SLC71A2: variants seen among roughly 807,000 people sequenced by gnomAD.
SLC71A2 encodes hippocampus abundant transcript-like 1.
the SLC71A2 span, among the ~76,000 whole-genome samples, chr9:94,455,033 G>C: frequency 5.9e-5 from 9 of 152,082 alleles, no homozygotes; most frequent in Admixed American, 5.9e-4. Flanking sequence ...CCTTACTTTG[G>C]ACACAAACAG....
chr9:94,418,740 C>T, the SLC71A2 span, among the ~76,000 whole-genome samples: 30 of 151,248 alleles, frequency 2.0e-4, no homozygotes, highest in African/African-American at 7.0e-4. Context: ...ACACCTGGCC[C>T]ATACTTTCCT....
the SLC71A2 span, chr9:94,451,545 T>C: frequency 1.4e-6 from 2 of 1,400,740 alleles, no homozygotes; most frequent in African/African-American, 2.9e-5. Flanking sequence ...TCATTTTATC[T>C]ATACTTAAAA....
chr9:94,409,552 C>G, the SLC71A2 span, among the ~76,000 whole-genome samples: 8 of 152,138 alleles, frequency 5.3e-5, no homozygotes, highest in Non-Finnish European at 1.0e-4. Flanking sequence ...CTTCTAGTTT[C>G]TTACAGTGGA....
chr9:94,385,688 G>C, the SLC71A2 span, among the ~76,000 whole-genome samples: 1 of 152,194 alleles, frequency 6.6e-6, no homozygotes, highest in Non-Finnish European at 1.5e-5. Context: ...TCTGGAGTTT[G>C]CATTCTGTTC....
At chr9:94,382,027 T>G in the SLC71A2 span, among the ~76,000 whole-genome samples, 1 of 151,910 alleles carries the variant, frequency 6.6e-6, no homozygotes, top group African/African-American at 2.4e-5. Context: ...TCCATAAGTT[T>G]TTTTTTTTTT....
chr9:94,405,890 ATACCT>A, the SLC71A2 span, among the ~76,000 whole-genome samples: 1 of 150,402 alleles, frequency 6.6e-6, no homozygotes, highest in African/African-American at 2.4e-5. Flanking sequence ...GGTAACAGTG[ATACCT>A]TAACTATATT....
At chr9:94,454,370 T>C in the SLC71A2 span, among the ~76,000 whole-genome samples, 1 of 152,014 alleles carries the variant, frequency 6.6e-6, no homozygotes, top group Non-Finnish European at 1.5e-5. Flanking sequence ...ATATGCCAAT[T>C]TTTTTTTCTT....
chr9:94,451,366 T>G, the SLC71A2 span: 1 of 639,168 alleles, frequency 1.6e-6, no homozygotes, highest in Non-Finnish European at 2.5e-6. Flanking sequence ...TTTATGAATT[T>G]TCCTAGACTT....
the SLC71A2 span, among the ~76,000 whole-genome samples, chr9:94,392,690 G>A: frequency 1.3e-5 from 2 of 152,000 alleles, no homozygotes; most frequent in African/African-American, 2.4e-5. Flanking sequence ...TAGTAGAGAC[G>A]GGGTTTCACC....
the SLC71A2 span, among the ~76,000 whole-genome samples, chr9:94,406,487 C>T: frequency 6.6e-6 from 1 of 152,152 alleles, no homozygotes; most frequent in African/African-American, 2.4e-5. Flanking sequence ...GATCTGCCTG[C>T]CCCAGCTTCC....
the SLC71A2 span, among the ~76,000 whole-genome samples, chr9:94,412,278 T>C: frequency 2.0e-5 from 3 of 152,216 alleles, no homozygotes. Flanking sequence ...TTTTAGAAGC[T>C]TTTTATATGT....
chr9:94,378,432 A>G, the SLC71A2 span, among the ~76,000 whole-genome samples: 1 of 152,170 alleles, frequency 6.6e-6, no homozygotes, highest in Non-Finnish European at 1.5e-5. Context: ...GTTGGAGACC[A>G]GCGTGGCCAA....
chr9:94,382,192 A>G, the SLC71A2 span, among the ~76,000 whole-genome samples: 1 of 151,598 alleles, frequency 6.6e-6, no homozygotes, highest in Non-Finnish European at 1.5e-5. Flanking sequence ...ATACCCAGCT[A>G]ATTTTTTAAT....
chr9:94,403,154 C>G, the SLC71A2 span, among the ~76,000 whole-genome samples: 1 of 152,088 alleles, frequency 6.6e-6, no homozygotes, highest in South Asian at 2.1e-4. Context: ...CTTTCCATTT[C>G]CATTTCCATT....
the SLC71A2 span, among the ~76,000 whole-genome samples, chr9:94,377,642 C>T: frequency 2.0e-5 from 3 of 151,720 alleles, no homozygotes; most frequent in Admixed American, 2.0e-4. Context: ...CTCAGCCTCC[C>T]AGTGCTGGGA....
the SLC71A2 span, chr9:94,438,603 A>T: frequency 1.9e-6 from 3 of 1,576,278 alleles, no homozygotes; most frequent in African/African-American, 4.1e-5. Context: ...TTTGCAGAGC[A>T]CTTCTTAACT....
the SLC71A2 span, among the ~76,000 whole-genome samples, chr9:94,400,718 G>A: frequency 6.6e-6 from 1 of 152,118 alleles, no homozygotes; most frequent in African/African-American, 2.4e-5. Context: ...CTCCACCTCT[G>A]AAATGTTTTC....
the SLC71A2 span, among the ~76,000 whole-genome samples, chr9:94,422,691 G>A: frequency 6.6e-6 from 1 of 152,000 alleles, no homozygotes; most frequent in Non-Finnish European, 1.5e-5. Context: ...TATTCCTAAC[G>A]ACCAATGAAG....
the SLC71A2 span, chr9:94,374,692 T>TGGCGCCGCCGCC: frequency 6.5e-6 from 1 of 154,918 alleles, no homozygotes; most frequent in Non-Finnish European, 1.4e-5. Context: ...GCGCCGCCGC[T>TGGCGCCGCCGCC]GGCGCCGCCG....
Sources: gnomAD v4.1 joint callset for allele counts (sites outside exome capture counted in the v4.1 genomes callset) on GRCh38, gnomAD v4.1.1 for gene constraint, MANE v1.5 for transcripts, NCBI Gene and HGNC (gene_info 2026-07-23, HGNC 2026-07-21) for gene names.